The following LTBP1 variants were observed in gnomAD, a reference collection of about 807,000 sequenced individuals.
LTBP1 encodes the protein latent-transforming growth factor beta-binding protein 1.
Under a neutral mutation model 207.6 loss-of-function variants are expected in LTBP1, and 129 were observed. The observed-to-expected ratio is 0.62, with a 90% CI of 0.54 to 0.72. LTBP1 has a LOEUF of 0.72. Ranked by LOEUF, LTBP1 falls within the 30% of genes least tolerant of loss-of-function variation. LTBP1 has a pLI of 0.00. For synonymous variants in LTBP1, 963 were observed against 833.7 expected (o/e 1.16, Z -2.67); for missense variants, 2,281 against 2,217.2 (o/e 1.03, Z -0.58).
At chr2:33,241,489 A>G (rs1204405461) in intron 9 of LTBP1, among the ~76,000 whole-genome samples, 1 of 152,192 alleles carries the variant, frequency 6.6e-6, no homozygotes, top group African/African-American at 2.4e-5. Flanking sequence ...GGTATTTATG[A>G]GTCTGGGGGG....
chr2:33,387,511 C>T (rs1010356413), intron 31 of LTBP1, among the ~76,000 whole-genome samples: 4 of 152,176 alleles, frequency 2.6e-5, no homozygotes, highest in African/African-American at 9.7e-5. Context: ...GGAATGCTTC[C>T]ACATAAGGAG....
At chr2:33,130,331 A>G (rs975885698) in intron 4 of LTBP1, among the ~76,000 whole-genome samples, 4 of 152,036 alleles carry the variant, frequency 2.6e-5, no homozygotes, top group Non-Finnish European at 4.4e-5. Flanking sequence ...GTTGGTCCCC[A>G]TTGTTTAAGT....
intron 7 of LTBP1, among the ~76,000 whole-genome samples, chr2:33,204,742 G>T (rs909296140): frequency 2.6e-5 from 4 of 152,170 alleles, no homozygotes; most frequent in African/African-American, 9.7e-5. Flanking sequence ...ACCATACCTG[G>T]CCATGGGGCA....
chr2:33,387,112 C>T (rs115207923), intron 31 of LTBP1, among the ~76,000 whole-genome samples: 8,254 of 152,212 alleles, frequency 0.054, 641 homozygotes, highest in East Asian at 0.22. Flanking sequence ...GCCCGGCCGA[C>T]AGTTTCTTTA....
chr2:33,228,705 T>C (rs1400919915), intron 9 of LTBP1, among the ~76,000 whole-genome samples: 1 of 127,940 alleles, frequency 7.8e-6, no homozygotes, highest in African/African-American at 2.9e-5. Context: ...CCCTTTTTTT[T>C]TTTTTTTTTT....
chr2:33,139,374 T>C (rs1310891311), intron 5 of LTBP1, among the ~76,000 whole-genome samples: 1 of 152,218 alleles, frequency 6.6e-6, no homozygotes. Context: ...AACATGGTAG[T>C]AGATTTTCTA....
chr2:33,154,836 G>A (rs900204010), intron 5 of LTBP1, among the ~76,000 whole-genome samples: 10 of 152,144 alleles, frequency 6.6e-5, no homozygotes, highest in African/African-American at 9.7e-5. Context: ...AGCGAGGTGG[G>A]AGGATAGCTT....
chr2:33,180,164 G>T (rs947630711), intron 5 of LTBP1, among the ~76,000 whole-genome samples: 2 of 152,090 alleles, frequency 1.3e-5, no homozygotes, highest in South Asian at 2.1e-4. Context: ...CCTAACTCTG[G>T]TTTTTTGATG....
intron 24 of LTBP1, among the ~76,000 whole-genome samples, chr2:33,330,059 G>C (rs1209704368): frequency 6.6e-6 from 1 of 151,946 alleles, no homozygotes; most frequent in Non-Finnish European, 1.5e-5. Flanking sequence ...TTAGTGTTTT[G>C]TTGGAGATTT....
intron 15 of LTBP1, among the ~76,000 whole-genome samples, chr2:33,270,814 A>G (rs1269393878): frequency 1.3e-5 from 2 of 152,142 alleles, no homozygotes; most frequent in African/African-American, 4.8e-5. Flanking sequence ...CGTGATCCTG[A>G]CAGACATGTT....
At chr2:33,135,588 A>G (rs2082082346) in intron 5 of LTBP1, among the ~76,000 whole-genome samples, 1 of 152,232 alleles carries the variant, frequency 6.6e-6, no homozygotes, top group Non-Finnish European at 1.5e-5. Flanking sequence ...GATTTGGGGA[A>G]GACAGACTGG....
At chr2:33,110,503 C>A in intron 3 of LTBP1, 79 bp from the exon 4 acceptor site, 2 of 1,300,268 alleles carry the variant, frequency 1.5e-6, no homozygotes, top group Non-Finnish European at 2.1e-6. Flanking sequence ...ACATTTAACT[C>A]GTTGCTTACC....
At chr2:33,270,148 C>T (rs2093284643) in intron 15 of LTBP1, among the ~76,000 whole-genome samples, 2 of 151,746 alleles carry the variant, frequency 1.3e-5, no homozygotes, top group Non-Finnish European at 2.9e-5. Context: ...CTCCTGACCT[C>T]GCCTCAAGTG....
intron 24 of LTBP1, among the ~76,000 whole-genome samples, chr2:33,337,505 A>G (rs1573906361): frequency 6.6e-6 from 1 of 152,302 alleles, no homozygotes; most frequent in Middle Eastern, 3.4e-3. Flanking sequence ...TCTTGACTTT[A>G]TTTCCATTGA....
chr2:33,261,823 A>G (rs975510197), intron 13 of LTBP1, among the ~76,000 whole-genome samples: 1 of 152,240 alleles, frequency 6.6e-6, no homozygotes, highest in Non-Finnish European at 1.5e-5. Flanking sequence ...CTATCTTAGA[A>G]AAAGCAGAAA....
chr2:33,023,051 C>T (rs2075250272), intron 3 of LTBP1, among the ~76,000 whole-genome samples: 1 of 152,146 alleles, frequency 6.6e-6, no homozygotes, highest in Non-Finnish European at 1.5e-5. Context: ...TGTGCCAGAA[C>T]ATGAATATAA....
At position 33,257,505 on chromosome 2, in the gene LTBP1, C is replaced by A; in HGVS notation, c.2389C>A (p.Pro797Thr). 1 of 1,613,748 alleles carries A rather than the reference C, an allele frequency of 6.2e-7. No homozygotes were observed. Among genetic ancestry groups the A allele is most frequent in the Middle Eastern group, 1.7e-4 (1 of 6,060 alleles). ...SREHGPGVAE[P>T]EVATAPPEKE... Reference sequence around the variant, plus strand: ...GGAACACGGGCCAGGAGTGGCGGAGCCAGAAGGTGAGAGCGGTAATGGATC... The same window carrying A: ...GGAACACGGGCCAGGAGTGGCGGAGACAGAAGGTGAGAGCGGTAATGGATC... Residue 797 changes from proline to threonine, a missense_variant, in exon 12 of 34, where the codon CCA becomes ACA. Coordinates refer to ENST00000404816, the MANE Select transcript of LTBP1 (RefSeq NM_206943.4).
rs142536488 is a variant in LTBP1, at chr2:33,208,506, T to G, written c.1702-9046T>G. 7.8e-3 allele frequency among the ~76,000 whole-genome samples: 1,191 copies of G among 152,242 alleles called. 16 individuals are homozygous for G. Among genetic ancestry groups the G allele is most frequent in the African/African-American group, 0.027 (1,117 of 41,546 alleles). ...CGTAGGGTGAGGAAAAGGCAGCCCA[T>G]TATTATGGTTATCCTTGATTAGGTT... On this transcript the variant is annotated intron_variant, in intron 7 of 33. Transcript: ENST00000404816.
intron 30 of LTBP1, 37 bp downstream of exon 30, chr2:33,364,393 A>G: frequency 1.3e-6 from 2 of 1,580,458 alleles, no homozygotes; most frequent in Non-Finnish European, 1.7e-6. Context: ...TGTCCAAATA[A>G]CTATCATAAG....
Sources: allele counts gnomAD v4.1 joint callset (sites outside exome capture counted in the v4.1 genomes callset), GRCh38; gene constraint gnomAD v4.1.1; transcripts MANE v1.5; gene names NCBI Gene and HGNC (gene_info 2026-07-23, HGNC 2026-07-21).